The following SPART variants were observed in gnomAD, a reference collection of about 807,000 sequenced individuals.
SPART encodes spartin.
In SPART, 35 loss-of-function variants were observed where a neutral mutation model predicts 58.7. That is an observed-to-expected ratio of 0.60 (90% CI 0.46 to 0.79). The LOEUF is 0.79. SPART is among the 30% of genes least tolerant of loss of function. SPART has a pLI of 0.00. For synonymous variants in SPART, 284 were observed against 280.7 expected (o/e 1.01, Z -0.12); for missense variants, 730 against 786.1 (o/e 0.93, Z 0.85).
chr13:36,314,492 C>A, intron 5 of SPART, 71 bp from the exon 6 acceptor site: 1 of 1,409,158 alleles, frequency 7.1e-7, no homozygotes. Flanking sequence ...TAATAAATAA[C>A]ATCAACCAGA....
intron 5 of SPART, 25 bp downstream of exon 5, chr13:36,326,550 A>T: frequency 6.2e-7 from 1 of 1,611,868 alleles, no homozygotes; most frequent in Non-Finnish European, 8.5e-7. Flanking sequence ...TCATACAGGG[A>T]AAAAAATTAA....
At chr13:36,361,194 T>C (rs763343965) in intron 1 of SPART, among the ~76,000 whole-genome samples, 43 of 152,166 alleles carry the variant, frequency 2.8e-4, no homozygotes, top group Non-Finnish European at 4.9e-4. Context: ...GCCATCTGTA[T>C]TACCTCAAAC....
intron 5 of SPART, among the ~76,000 whole-genome samples, chr13:36,321,852 C>T (rs1882437754): frequency 6.6e-6 from 1 of 152,086 alleles, no homozygotes; most frequent in African/African-American, 2.4e-5. Flanking sequence ...TATGCCCTGC[C>T]CCACCTTAAC....
At chr13:36,368,159 A>G (rs1298260799) in intron 1 of SPART, 6 of 457,686 alleles carry the variant, frequency 1.3e-5, no homozygotes, top group East Asian at 1.4e-4. Context: ...TCAACAAAAA[A>G]TAAATTCTTT....
intron 1 of SPART, among the ~76,000 whole-genome samples, chr13:36,345,923 T>C (rs974744606): frequency 1.3e-5 from 2 of 152,142 alleles, no homozygotes; most frequent in Non-Finnish European, 2.9e-5. Flanking sequence ...GACTCCGCGA[T>C]AGGAATCGAG....
rs34599910 is a variant in SPART at position 36,352,786 on chromosome 13, C to CAA, written c.-2-16956_-2-16955dup. Among the ~76,000 whole-genome samples, 417 of 113,336 alleles carry CAA rather than the reference C, an allele frequency of 3.7e-3. 4 individuals carry two copies. Among genetic ancestry groups the CAA allele is most frequent in the East Asian group, 0.014 (62 of 4,356 alleles). The allele number at this position is 113,336 out of a possible 152,430, so 74.4% of individuals were successfully genotyped here. ...GGGCAACACAGGGAGATCCCGTTTC[C>CAA]AAAAAAAAAAAAAAAAATTGAAAAT... On this transcript the variant is annotated intron_variant, in intron 1 of 8. Coordinates refer to the SPART transcript ENST00000355182.
chr13:36,312,808 T>C (rs1339527477), intron 6 of SPART, among the ~76,000 whole-genome samples: 1 of 151,990 alleles, frequency 6.6e-6, no homozygotes, highest in Non-Finnish European at 1.5e-5. Flanking sequence ...GTTTATAACC[T>C]TGCCTCTCAG....
In SPART at chr13:36,335,510, A is replaced by T; in HGVS notation, c.321T>A (p.Leu107=). The part of the protein sequence containing the change: ...KGLATSLQND[L]QEVPKLYPEF... Reference sequence around the variant, plus strand: ...CTGGATATAACTTGGGCACCTCCTGAAGATCATTCTGCAGAGAAGTGGCAA... The same window carrying T: ...CTGGATATAACTTGGGCACCTCCTGTAGATCATTCTGCAGAGAAGTGGCAA... The change falls in exon 2 of 9, where the codon CTT becomes CTA. Residue 107 remains leucine, a synonymous_variant. Transcript: ENST00000438666. 1 of 1,614,154 alleles carries T rather than the reference A, an allele frequency of 6.2e-7. No individual in the cohort carries two copies. Among genetic ancestry groups the T allele is most frequent in the Non-Finnish European group, 8.5e-7 (1 of 1,180,030 alleles).
chr13:36,337,381 T>C (rs562262355), intron 1 of SPART, among the ~76,000 whole-genome samples: 2 of 152,256 alleles, frequency 1.3e-5, no homozygotes, highest in Admixed American at 1.3e-4. Flanking sequence ...CCTTGAACTG[T>C]AATACCCATA....
intron 5 of SPART, among the ~76,000 whole-genome samples, chr13:36,321,741 T>C (rs956606531): frequency 2.0e-4 from 30 of 152,174 alleles, no homozygotes; most frequent in African/African-American, 6.8e-4. Context: ...AAGTCAGGAA[T>C]GTCAGGCCTC....
At chr13:36,337,783 T>A (rs537343047) in intron 1 of SPART, among the ~76,000 whole-genome samples, 1 of 152,296 alleles carries the variant, frequency 6.6e-6, no homozygotes, top group African/African-American at 2.4e-5. Context: ...TACTTAATAA[T>A]GGCCCCAAAG....
At chr13:36,342,961 AC>A (rs1420826814) in intron 1 of SPART, among the ~76,000 whole-genome samples, 1 of 152,108 alleles carries the variant, frequency 6.6e-6, no homozygotes, top group Non-Finnish European at 1.5e-5. Flanking sequence ...TCCTATTCTT[AC>A]TATGGTACAC....
At chr13:36,312,038 G>A in intron 8 of SPART, 107 bp downstream of exon 8, 1 of 1,010,040 alleles carries the variant, frequency 9.9e-7, no homozygotes, top group Non-Finnish European at 1.5e-6. Flanking sequence ...AGTGACCTAA[G>A]ATCGCGCCAT....
intron 1 of SPART, among the ~76,000 whole-genome samples, chr13:36,361,058 G>A (rs1210714156): frequency 1.3e-5 from 2 of 152,144 alleles, no homozygotes; most frequent in African/African-American, 2.4e-5. Context: ...ATGGTGTAAC[G>A]ATATTGCACA....
chr13:36,363,769 G>T (rs9547463), intron 1 of SPART, among the ~76,000 whole-genome samples: 92,756 of 146,736 alleles, frequency 0.63, 28,548 homozygotes, highest in East Asian at 0.79. Context: ...GGTTTTTTTT[G>T]TTGTTGTTGT....
rs576439547 is a variant in SPART at position 36,362,077 on chromosome 13, G to C, written c.-3+8012C>G. Among the ~76,000 whole-genome samples the C allele has an allele frequency of 3.3e-5, 5 of 152,306 alleles. No individual in the cohort carries two copies. In the South Asian group the frequency reaches 1.0e-3, roughly 32 times the overall value. ...CAAACAATACCCATGTCAGCCGGGT[G>C]TGGTGGCTCACGCCTGTAATCCCAG... On this transcript the variant is annotated intron_variant, in intron 1 of 8. Coordinates refer to the SPART transcript ENST00000355182.
At chr13:36,352,920 T>C (rs1885475397) in intron 1 of SPART, among the ~76,000 whole-genome samples, 1 of 152,070 alleles carries the variant, frequency 6.6e-6, no homozygotes, top group Admixed American at 6.6e-5. Context: ...TGTTCACATC[T>C]CTGCACTCCA....
chr13:36,345,826 G>A (rs999662852), intron 1 of SPART, among the ~76,000 whole-genome samples: 5 of 152,154 alleles, frequency 3.3e-5, no homozygotes, highest in African/African-American at 9.7e-5. Flanking sequence ...GGCGCTGCGG[G>A]AGGGCAAAAG....
intron 5 of SPART, among the ~76,000 whole-genome samples, chr13:36,324,401 T>C (rs1250711323): frequency 6.6e-6 from 1 of 152,128 alleles, no homozygotes; most frequent in Non-Finnish European, 1.5e-5. Context: ...GGCACTCTAT[T>C]TGGCAGTCCT....
Sources: gnomAD v4.1 joint callset for allele counts (sites outside exome capture counted in the v4.1 genomes callset) on GRCh38, gnomAD v4.1.1 for gene constraint, MANE v1.5 for transcripts, NCBI Gene and HGNC (gene_info 2026-07-23, HGNC 2026-07-21) for gene names.